The following HERC2 variants were observed in gnomAD, a reference collection of about 807,000 sequenced individuals.
HERC2 encodes the protein E3 ubiquitin-protein ligase HERC2.
HERC2 carries 102 observed loss-of-function variants against 537.7 expected under a neutral mutation model. That is an observed-to-expected ratio of 0.19 (90% CI 0.16 to 0.22). HERC2 has a LOEUF of 0.22. HERC2 is among the 10% of genes least tolerant of loss of function. The probability of loss-of-function intolerance (pLI) is 1.00; values close to 1 mark genes in which losing one functional copy is unlikely to be tolerated. For synonymous variants in HERC2, 2,224 were observed against 2,466.2 expected, an observed-to-expected ratio of 0.90 and a Z score of 2.91; for missense variants, 4,236 against 6,198.2, an observed-to-expected ratio of 0.68 and a Z score of 10.63.
intron 2 of HERC2, among the ~76,000 whole-genome samples, chr15:28,301,498 A>G (rs1423754661): frequency 6.6e-6 from 1 of 151,346 alleles, no homozygotes. Flanking sequence ...GTGAGCATCA[A>G]AATCAAAAAC....
intron 70 of HERC2, among the ~76,000 whole-genome samples, chr15:28,148,006 C>T (rs927067300): frequency 6.7e-6 from 1 of 149,364 alleles, no homozygotes; most frequent in Non-Finnish European, 1.5e-5. Context: ...CACTGCACTT[C>T]AGCCTGGGTG....
Position 28,111,805 on chromosome 15 carries a change from G to C in HERC2, c.14463C>G (p.Ser4821=). The C allele has an allele frequency of 6.2e-7, 1 of 1,614,202 alleles. No individual in the cohort carries two copies. Among genetic ancestry groups the C allele is most frequent in the Non-Finnish European group, 8.5e-7 (1 of 1,180,032 alleles). The stretch of plus-strand genomic sequence containing the variant: ...AATCTTGTGTAGAGTCCGAAGCAAA[G>C]GAGTCGACATCCTCGTTATCTGAAT... ...SDDSDNEDVD[S]FASDSTQDYL... Residue 4821 remains serine (S), a synonymous_variant, in exon 93 of 93, where the codon TCC becomes TCG. Coordinates refer to ENST00000261609, the MANE Select transcript of HERC2 (RefSeq NM_004667.6).
rs547365114 is a variant in HERC2, at chr15:28,254,032, C to G, written c.3050+308G>C. Among the ~76,000 whole-genome samples, 18 of 151,638 alleles carry G rather than the reference C, an allele frequency of 1.2e-4. No homozygotes were observed. In the South Asian group the frequency reaches 2.7e-3, roughly 23 times the overall value. On this transcript the variant is annotated intron_variant, in intron 20 of 92. Transcript: ENST00000261609. ...GGAGTGGTGGGTGATGCCTGTAATC[C>G]CAACACTTTGGGAGGCCAAGGCGGG...
At chr15:28,297,352 C>T (rs2076496584) in intron 3 of HERC2, among the ~76,000 whole-genome samples, 1 of 151,004 alleles carries the variant, frequency 6.6e-6, no homozygotes, top group Non-Finnish European at 1.5e-5. Context: ...ACTTTTATCT[C>T]TGGAAAGAAA....
intron 7 of HERC2, 191 bp from the exon 8 acceptor site, chr15:28,273,195 T>C: frequency 1.6e-6 from 1 of 609,716 alleles, no homozygotes; most frequent in Non-Finnish European, 2.9e-6. Flanking sequence ...CTTACACAAC[T>C]ATATTTTATT....
At chr15:28,199,374 A>T (rs1429214538) in intron 48 of HERC2, among the ~76,000 whole-genome samples, 1 of 152,214 alleles carries the variant, frequency 6.6e-6, no homozygotes, top group African/African-American at 2.4e-5. Context: ...TGGAAACATC[A>T]CACCCTAAAA....
At chr15:28,221,903 C>T (rs1211908144) in intron 36 of HERC2, 125 bp downstream of exon 36, 4 of 859,632 alleles carry the variant, frequency 4.7e-6, no homozygotes, top group Non-Finnish European at 5.9e-6. Context: ...CGGGAACCAA[C>T]ACCTGTGTCA....
Position 28,174,467 on chromosome 15 carries a change from C to T in HERC2, c.9985G>A (p.Val3329Met), listed in dbSNP as rs1895041764. Residue 3329 changes from valine to methionine, a missense_variant, in exon 65 of 93, where the codon GTG (valine) becomes ATG (methionine). Val to Met is a conservative substitution (Grantham distance 21). Coordinates refer to ENST00000261609, the MANE Select transcript of HERC2 (RefSeq NM_004667.6). ...SHSVAWTTVD[V>M]ATPSVHEPVL... is the part of the protein sequence containing the mutation. ...GGCTCGTGGACAGAGGGCGTGGCCA[C>T]ATCCACAGTTGTCCACGCCACACTG... 5 of 1,613,898 alleles carry T rather than the reference C, an allele frequency of 3.1e-6. No individual in the cohort carries two copies. Among genetic ancestry groups the T allele is most frequent in the Non-Finnish European group, 4.2e-6 (5 of 1,179,928 alleles).
chr15:28,119,363 G>A (rs1001957647), intron 86 of HERC2, among the ~76,000 whole-genome samples: 7 of 144,878 alleles, frequency 4.8e-5, no homozygotes, highest in African/African-American at 8.4e-5. Context: ...TTGCACCACT[G>A]TACTCCAGGC....
chr15:28,191,566 T>C (rs1896857847), intron 53 of HERC2, among the ~76,000 whole-genome samples: 1 of 152,222 alleles, frequency 6.6e-6, no homozygotes, highest in Non-Finnish European at 1.5e-5. Context: ...GTCTGACCTG[T>C]GTGCCCACGA....
At position 28,141,638 on chromosome 15, in the gene HERC2, A is replaced by C. The variant is rs765958540; in HGVS notation, c.11817-8T>G. 1 of 1,614,140 alleles carries C rather than the reference A, an allele frequency of 6.2e-7. No individual in the cohort carries two copies. The highest frequency in any genetic ancestry group is 1.7e-5 in the Admixed American group (1 of 60,014). On this transcript the variant is annotated splice_polypyrimidine_tract_variant and splice_region_variant and intron_variant, in intron 77 of 92. Transcript: ENST00000261609. The stretch of plus-strand genomic sequence containing the variant: ...GTCCAGTCATCTGGTCGCCTACAAT[A>C]CACATCAAGTGAGCATTTGCCATGG...
intron 65 of HERC2, among the ~76,000 whole-genome samples, chr15:28,170,745 C>T (rs1311269942): frequency 6.6e-6 from 1 of 151,540 alleles, no homozygotes; most frequent in Non-Finnish European, 1.5e-5. Flanking sequence ...ATCTGCATAA[C>T]ACACATCTGC....
At position 28,274,360 on chromosome 15, in the gene HERC2, C is replaced by T; in HGVS notation, c.731G>A (p.Ser244Asn). ...ALPEASLFDE[S>N]TVSSVWLEVV... is the part of the protein sequence containing the mutation. Reference sequence around the variant, plus strand: ...CTCCAGCCACACAGAGGACACGGTGCTCTCGTCAAAGAGCGAGGCCTCGGG... The same window carrying T: ...CTCCAGCCACACAGAGGACACGGTGTTCTCGTCAAAGAGCGAGGCCTCGGG... The change falls in exon 7 of 93, where the codon AGC (serine) becomes AAC (asparagine). Residue 244 changes from serine to asparagine, a missense_variant. Physicochemically the swap from Ser to Asn is conservative, Grantham distance 46. Around this residue, in one of 27 missense-constraint regions of HERC2, gnomAD observed 491 missense variants for 559.3 expected, o/e 0.88. Transcript: ENST00000261609. The T allele has an allele frequency of 1.2e-6, 2 of 1,614,248 alleles. No homozygotes were observed. The highest frequency in any genetic ancestry group is 2.7e-5 in the African/African-American group (2 of 75,078).
chr15:28,272,248 C>G lies in HERC2; in HGVS notation c.1050G>C (p.Arg350Ser). 1 of 1,610,474 alleles carries G rather than the reference C, an allele frequency of 6.2e-7. No homozygotes were observed. Among genetic ancestry groups the G allele is most frequent in the East Asian group, 2.2e-5 (1 of 44,834 alleles). ...CGCCCTCGGAGTGGGGTGCATCCTT[C>G]CTGCAAATGATGCTCTGGAACCTTT... ...LLQRFQSIIC[R>S]KDAPHSEGDM... Residue 350 changes from arginine to serine, a missense_variant, in exon 9 of 93, where the codon AGG (arginine) becomes AGC (serine). Transcript: ENST00000261609.
chr15:28,157,717 G>A (rs980352969), intron 69 of HERC2, among the ~76,000 whole-genome samples: 1 of 151,978 alleles, frequency 6.6e-6, no homozygotes, highest in Admixed American at 6.5e-5. Context: ...ATTTTTTGAA[G>A]GGTTTTTTGT....
At chr15:28,156,211 T>C (rs927993028) in intron 69 of HERC2, among the ~76,000 whole-genome samples, 2 of 152,240 alleles carry the variant, frequency 1.3e-5, no homozygotes, top group Admixed American at 1.3e-4. Flanking sequence ...CCTCCAGCTT[T>C]GTTCTTTTGG....
At chr15:28,245,467 A>G (rs1263145977) in intron 23 of HERC2, among the ~76,000 whole-genome samples, 1 of 151,468 alleles carries the variant, frequency 6.6e-6, no homozygotes, top group African/African-American at 2.4e-5. Context: ...GAATCACTTG[A>G]GCCCAGGAGG....
At chr15:28,123,598 G>C (rs970045214) in intron 85 of HERC2, among the ~76,000 whole-genome samples, 3 of 152,180 alleles carry the variant, frequency 2.0e-5, no homozygotes, top group Non-Finnish European at 4.4e-5. Flanking sequence ...ACGGACCTTC[G>C]AGGTGATATA....
intron 4 of HERC2, among the ~76,000 whole-genome samples, chr15:28,283,830 A>G (rs2076085349): frequency 6.6e-6 from 1 of 152,218 alleles, no homozygotes; most frequent in South Asian, 2.1e-4. Context: ...GGTAAATGAC[A>G]ACACCAGGTA....
Sources: gnomAD v4.1 joint callset for allele counts (sites outside exome capture counted in the v4.1 genomes callset) on GRCh38, gnomAD v4.1.1 for gene constraint, gnomAD v4.1.1 regional missense constraint, MANE v1.5 for transcripts, NCBI Gene and HGNC (gene_info 2026-07-23, HGNC 2026-07-21) for gene names.